Variants in TMEM232 observed in about 807,000 individuals in gnomAD.
TMEM232 encodes transmembrane protein 232.
Under a neutral mutation model 78.8 loss-of-function variants are expected in TMEM232, and 80 were observed. The ratio of observed to expected loss-of-function variants is 1.01; its 90% CI spans 0.85 to 1.22. The LOEUF (loss-of-function observed/expected upper bound fraction) is 1.22. Among genes scored for constraint, TMEM232 ranks in the 50% most tolerant of loss-of-function variants. TMEM232 has a pLI of 0.00. For synonymous variants in TMEM232, 297 were observed against 254.3 expected (o/e 1.17, Z -1.60); for missense variants, 881 against 742.2 (o/e 1.19, Z -2.17).
At position 110,420,648 on chromosome 5, in the gene TMEM232, T is replaced by C; in HGVS notation, c.1906A>G (p.Lys636Glu). ...TGCTTATGTAGTTTCTCTTCTCTTT[T>C]CTTCATAACTTCTTGAAAGTGATTT... ...EKNHFQEVMKKREEKLHKQTK... is the reference protein window; with the variant it reads ...EKNHFQEVMKEREEKLHKQTK... The change falls in exon 14 of 14, where the codon AAA becomes GAA. Residue 636 changes from lysine to glutamate, a missense_variant. Lys to Glu is a moderately conservative substitution (Grantham distance 56). Coordinates refer to ENST00000455884, the MANE Select transcript of TMEM232 (RefSeq NM_001039763.4). 1.3e-6 allele frequency: 2 copies of C among 1,526,130 alleles called. No homozygotes were observed. Among genetic ancestry groups the C allele is most frequent in the Non-Finnish European group, 1.7e-6 (2 of 1,143,902 alleles). 94.5% of individuals were successfully genotyped at this position (1,526,130 alleles called of 1,614,324 possible).
upstream of TMEM232, chr5:110,726,918 G>A (rs1390102746): frequency 3.9e-5 from 6 of 152,166 alleles, no homozygotes; most frequent in African/African-American, 2.4e-5. Flanking sequence ...GGCAAGAAGC[G>A]GCTTCACAGT....
At chr5:110,479,787 G>A (rs918210474) in intron 12 of TMEM232, among the ~76,000 whole-genome samples, 3 of 151,692 alleles carry the variant, frequency 2.0e-5, no homozygotes, top group Non-Finnish European at 4.4e-5. Flanking sequence ...AGACACTACT[G>A]AATACAAGTT....
At chr5:110,450,874 A>C (rs1028037954) in intron 12 of TMEM232, among the ~76,000 whole-genome samples, 3 of 152,170 alleles carry the variant, frequency 2.0e-5, no homozygotes, top group African/African-American at 7.2e-5. Flanking sequence ...GAGTTAAGTT[A>C]GTTAGGCATG....
chr5:110,604,596 C>G (rs558628724), intron 10 of TMEM232, among the ~76,000 whole-genome samples: 24 of 152,260 alleles, frequency 1.6e-4, no homozygotes, highest in Admixed American at 1.5e-3. Context: ...CTTTTGTTTT[C>G]AAGGAATATA....
chr5:110,446,440 C>T (rs1003903691), intron 12 of TMEM232, among the ~76,000 whole-genome samples: 3 of 152,062 alleles, frequency 2.0e-5, no homozygotes, highest in Non-Finnish European at 2.9e-5. Flanking sequence ...ATGGTGGCAG[C>T]GATTATGAAA....
chr5:110,692,352 A>G (rs546675228), intron 1 of TMEM232, among the ~76,000 whole-genome samples: 1 of 152,258 alleles, frequency 6.6e-6, no homozygotes, highest in East Asian at 1.9e-4. Context: ...CAGCAGCTCC[A>G]GTCTACAGCT....
At chr5:110,607,199 G>A (rs2149836100) in intron 8 of TMEM232, among the ~76,000 whole-genome samples, 1 of 151,822 alleles carries the variant, frequency 6.6e-6, no homozygotes, top group South Asian at 2.1e-4. Context: ...CATTTGATTT[G>A]AAAAACAATT....
At chr5:110,666,795 G>C (rs1399692269) in intron 2 of TMEM232, 4 of 153,730 alleles carry the variant, frequency 2.6e-5, no homozygotes, top group African/African-American at 9.7e-5. Flanking sequence ...ATTTGTGACT[G>C]TAAAGTCTTT....
chr5:110,436,806 T>G (rs1285752904), intron 12 of TMEM232, among the ~76,000 whole-genome samples: 2 of 152,108 alleles, frequency 1.3e-5, no homozygotes. Flanking sequence ...CTCTGTTCCA[T>G]TGGTCTGTTT....
At chr5:110,415,981 C>T (rs1057378986), downstream of TMEM232, among the ~76,000 whole-genome samples, 2 of 152,052 alleles carry the variant, frequency 1.3e-5, no homozygotes, top group African/African-American at 2.4e-5. Flanking sequence ...TTTATTTTGG[C>T]TTTTCAGTGA....
At chr5:110,516,284 TAA>T (rs1768638178) in intron 12 of TMEM232, among the ~76,000 whole-genome samples, 1 of 152,150 alleles carries the variant, frequency 6.6e-6, no homozygotes, top group African/African-American at 2.4e-5. Context: ...TAAGCATGAA[TAA>T]AGTTTTGTTA....
chr5:110,588,871 G>A (rs1779166961), intron 10 of TMEM232, among the ~76,000 whole-genome samples: 1 of 151,994 alleles, frequency 6.6e-6, no homozygotes, highest in African/African-American at 2.4e-5. Flanking sequence ...ATATTTTGGG[G>A]TCTATCATTC....
At chr5:110,532,021 C>A (rs924392989) in intron 11 of TMEM232, among the ~76,000 whole-genome samples, 2 of 152,124 alleles carry the variant, frequency 1.3e-5, no homozygotes, top group African/African-American at 4.8e-5. Context: ...GAGACAAACC[C>A]CAGCCATATC....
chr5:110,714,634 G>A (rs1307054043), intron 1 of TMEM232, among the ~76,000 whole-genome samples: 2 of 151,966 alleles, frequency 1.3e-5, no homozygotes, highest in Non-Finnish European at 2.9e-5. Flanking sequence ...ACACAAACTA[G>A]AAATAAAGAA....
chr5:110,587,127 A>G (rs1006424643), intron 10 of TMEM232, among the ~76,000 whole-genome samples: 1 of 152,110 alleles, frequency 6.6e-6, no homozygotes, highest in Admixed American at 6.6e-5. Flanking sequence ...AGAAGTTATC[A>G]ATTATTTTAG....
At chr5:110,557,336 T>C (rs1581204086) in intron 11 of TMEM232, among the ~76,000 whole-genome samples, 1 of 152,136 alleles carries the variant, frequency 6.6e-6, no homozygotes, top group Non-Finnish European at 1.5e-5. Context: ...ATCTTATTGA[T>C]CTCCTTGGCC....
intron 12 of TMEM232, among the ~76,000 whole-genome samples, chr5:110,526,025 C>CAAA (rs758110596): frequency 0.019 from 895 of 47,676 alleles, 20 homozygotes; most frequent in African/African-American, 0.033. Flanking sequence ...CACCATACAC[C>CAAA]AAAAAAAAAA....
chr5:110,672,772 C>T (rs921716998), intron 1 of TMEM232, among the ~76,000 whole-genome samples: 1 of 152,030 alleles, frequency 6.6e-6, no homozygotes, highest in South Asian at 2.1e-4. Flanking sequence ...ATCAAATTCC[C>T]AGTAGATCCC....
Position 110,565,471 on chromosome 5 carries a change from G to A in TMEM232, c.1455+2976C>T, listed in dbSNP as rs901338627. On this transcript the variant is annotated intron_variant, in intron 11 of 13. Coordinates refer to ENST00000455884, the MANE Select transcript of TMEM232 (RefSeq NM_001039763.4). ...GCTCTCAAAATCACTCAGCTTTCCT[G>A]TCTCTTATGAGATTTTCACTTACTA... Among the ~76,000 whole-genome samples the A allele has an allele frequency of 2.0e-5, 3 of 151,916 alleles. No homozygotes were observed. The East Asian group carries it at 5.8e-4, about 29-fold the overall frequency.
Sources: gnomAD v4.1 joint callset for allele counts (sites outside exome capture counted in the v4.1 genomes callset) on GRCh38, gnomAD v4.1.1 for gene constraint, MANE v1.5 for transcripts, NCBI Gene and HGNC (gene_info 2026-07-23, HGNC 2026-07-21) for gene names.